Variants in C2CD2 observed in about 807,000 individuals in gnomAD.
The protein encoded by C2CD2 is C2 domain-containing protein 2.
C2CD2 carries 43 observed loss-of-function variants against 74.3 expected under a neutral mutation model. The observed-to-expected ratio is 0.58, with a 90% CI of 0.45 to 0.75. The LOEUF (loss-of-function observed/expected upper bound fraction) is 0.75, where lower values mean the gene tolerates loss of function less well. C2CD2 is among the 30% of genes least tolerant of loss of function. The pLI, the probability that C2CD2 is intolerant of heterozygous loss-of-function variation, is 0.00. For missense variants in C2CD2, 801 were observed against 916.3 expected (o/e 0.87, Z 1.63); for synonymous variants, 422 against 390.7 (o/e 1.08, Z -0.94).
intron 3 of C2CD2, 61 bp from the exon 4 acceptor site, chr21:41,919,021 C>CGT: frequency 8.3e-7 from 1 of 1,199,934 alleles, no homozygotes; most frequent in Non-Finnish European, 1.2e-6. Context: ...TGTGCACGTG[C>CGT]GTGTGCATGT....
intron 7 of C2CD2, among the ~76,000 whole-genome samples, chr21:41,909,846 A>T (rs541283): frequency 0.49 from 74,946 of 151,828 alleles, 18,714 homozygotes; most frequent in African/African-American, 0.53. Context: ...ACGTCATTTT[A>T]AAAAATTTCC....
At chr21:41,890,668 A>G (rs2064741303) in intron 13 of C2CD2, among the ~76,000 whole-genome samples, 1 of 152,248 alleles carries the variant, frequency 6.6e-6, no homozygotes, top group South Asian at 2.1e-4. Flanking sequence ...AGGCATATCC[A>G]ATAAACATTT....
In C2CD2 at chr21:41,919,944, G is replaced by C. The variant is rs558537883; in HGVS notation, c.493-984C>G. Among the ~76,000 whole-genome samples, 6 of 152,278 alleles carry C rather than the reference G, an allele frequency of 3.9e-5. No homozygotes were observed. The East Asian group carries it at 1.2e-3, about 29-fold the overall frequency. ...GAAACACCTGAGTCCTGAAGAGTGGGGGAGCACGGGAGAAGAGGGGCCAGG... is the reference window on the plus strand; with the variant it reads ...GAAACACCTGAGTCCTGAAGAGTGGCGGAGCACGGGAGAAGAGGGGCCAGG... On this transcript the variant is annotated intron_variant, in intron 3 of 13. Transcript: ENST00000380486.
chr21:41,919,053 T>A, intron 3 of C2CD2, 93 bp from the exon 4 acceptor site: 46 of 838,246 alleles, frequency 5.5e-5, no homozygotes, highest in Non-Finnish European at 8.9e-5. Context: ...CATGTGTGTG[T>A]GCATATATGC....
At chr21:41,900,904 C>T (rs2146149445) in intron 12 of C2CD2, 1 of 152,458 alleles carries the variant, frequency 6.6e-6, no homozygotes, top group South Asian at 2.1e-4. Flanking sequence ...CAAGACCAGC[C>T]TGAGCAATGT....
In C2CD2 at chr21:41,895,013, C is replaced by T. The variant is rs533131754; in HGVS notation, c.1870+4040G>A. 1.8e-5 allele frequency: 8 copies of T among 452,898 alleles called. No homozygotes were observed. The highest frequency in any genetic ancestry group is 1.4e-4 in the East Asian group (2 of 14,296). 28.1% of individuals were successfully genotyped at this position (452,898 alleles called of 1,614,324 possible). Reference sequence around the variant, plus strand: ...CAGCACCCGGAGATTCAACAGAACACGCACTGAGGTGCGGCTGGGAAGGCA... The same window carrying T: ...CAGCACCCGGAGATTCAACAGAACATGCACTGAGGTGCGGCTGGGAAGGCA... On this transcript the variant is annotated intron_variant, in intron 13 of 13. Transcript: ENST00000380486. The surrounding 1 kb of genome is among the most constrained non-coding windows in gnomAD (Gnocchi z 5.0).
At chr21:41,950,030 C>A (rs546602743) in intron 1 of C2CD2, among the ~76,000 whole-genome samples, 8 of 152,064 alleles carry the variant, frequency 5.3e-5, no homozygotes, top group Non-Finnish European at 1.2e-4. Flanking sequence ...GGACAAATAC[C>A]TAATGTAAAT....
Position 41,885,278 on chromosome 21 carries a change from C to G in C2CD2, c.*3846G>C, listed in dbSNP as rs2064670815. The stretch of plus-strand genomic sequence containing the variant: ...TCATTGTCACGTAAGTTCATCACCG[C>G]ACTCCAGCGTCAGGCCAAACCTTTC... On this transcript the variant is annotated 3_prime_UTR_variant, in exon 14 of 14. Coordinates refer to ENST00000380486, the MANE Select transcript of C2CD2 (RefSeq NM_015500.2). The G allele has an allele frequency of 6.6e-6, 1 of 152,260 alleles. No homozygotes were observed. Among genetic ancestry groups the G allele is most frequent in the Non-Finnish European group, 1.5e-5 (1 of 68,048 alleles). 9.4% of individuals were successfully genotyped at this position (152,260 alleles called of 1,614,324 possible).
intron 8 of C2CD2, 50 bp from the exon 9 acceptor site, chr21:41,907,834 T>C: frequency 6.2e-7 from 1 of 1,611,556 alleles, no homozygotes. Context: ...TTCCCGGGCT[T>C]CCGTGAGGAC....
At chr21:41,911,311 A>T (rs1974591583) in intron 7 of C2CD2, among the ~76,000 whole-genome samples, 1 of 150,430 alleles carries the variant, frequency 6.6e-6, no homozygotes, top group Non-Finnish European at 1.5e-5. Flanking sequence ...GTGCTGCTAG[A>T]TTCTGTTTGA....
rs2064707568 is a variant in C2CD2 at position 41,888,338 on chromosome 21, A to G, written c.*786T>C. On this transcript the variant is annotated 3_prime_UTR_variant, in exon 14 of 14. Coordinates refer to ENST00000380486, the MANE Select transcript of C2CD2 (RefSeq NM_015500.2). Reference sequence around the variant, plus strand: ...GCAAGTATGACAGGCAGGAAAAAAAACCCTGGATGTCAACTGCTCCACTAG... The same window carrying G: ...GCAAGTATGACAGGCAGGAAAAAAAGCCCTGGATGTCAACTGCTCCACTAG... The G allele has an allele frequency of 6.6e-6, 1 of 152,526 alleles. No individual in the cohort carries two copies. Among genetic ancestry groups the G allele is most frequent in the African/African-American group, 2.4e-5 (1 of 41,432 alleles). The allele number at this position is 152,526 out of a possible 1,614,324, so 9.4% of individuals were successfully genotyped here.
rs554544991 is a variant in C2CD2, at chr21:41,914,717, A to G, written c.725T>C (p.Leu242Ser). The G allele has an allele frequency of 1.9e-6, 3 of 1,611,370 alleles. No individual in the cohort carries two copies. The highest frequency in any genetic ancestry group is 3.4e-5 in the Admixed American group (2 of 59,604). The change falls in exon 6 of 14, where the codon TTA becomes TCA. Residue 242 changes from leucine to serine, a missense_variant. By Grantham distance (145) the Leu-to-Ser change is moderately radical. Coordinates refer to ENST00000380486, the MANE Select transcript of C2CD2 (RefSeq NM_015500.2). The stretch of plus-strand genomic sequence containing the variant: ...CTGAGCAGTAGATGCAGCACACTGT[A>G]AGTTCTGAAAAAATAAAGAGCACTT... ...KPTTVKEAQN[L>S]QCAASTAQES...
At position 41,924,278 on chromosome 21, in the gene C2CD2, C is replaced by T. The variant is rs149269041; in HGVS notation, c.379-2193G>A. ...AGCTCTTCCCACCAGTGGCCCATCC[C>T]ACTCTGGAACAAAAACGGAACCTGG... On this transcript the variant is annotated intron_variant, in intron 2 of 13. Transcript: ENST00000380486. This position sits in a 1 kb window ranked among gnomAD's most constrained non-coding sequence, Gnocchi z 4.4. Among the ~76,000 whole-genome samples, 64 of 152,336 alleles carry T rather than the reference C, an allele frequency of 4.2e-4. No homozygotes were observed. Among genetic ancestry groups the T allele is most frequent in the African/African-American group, 1.4e-3 (59 of 41,576 alleles).
intron 1 of C2CD2, among the ~76,000 whole-genome samples, chr21:41,948,824 A>G (rs563039897): frequency 7.4e-6 from 1 of 135,134 alleles, no homozygotes; most frequent in African/African-American, 2.7e-5. Flanking sequence ...AGAAACTCCT[A>G]TTCAAGTCAG....
In C2CD2 at chr21:41,903,611, T is replaced by C. The variant is rs976868314; in HGVS notation, c.1433-1862A>G. On this transcript the variant is annotated intron_variant, in intron 11 of 13. Transcript: ENST00000380486. This position sits in a 1 kb window ranked among gnomAD's most constrained non-coding sequence, Gnocchi z 4.5. Reference sequence around the variant, plus strand: ...AAGAGAGAAGTGCTGGAGAAAGGAGTTGGGGAGGACTCCTTAGGAGAAAGC... The same window carrying C: ...AAGAGAGAAGTGCTGGAGAAAGGAGCTGGGGAGGACTCCTTAGGAGAAAGC... Among the ~76,000 whole-genome samples the C allele has an allele frequency of 6.6e-6, 1 of 150,822 alleles. No individual in the cohort carries two copies. The highest frequency in any genetic ancestry group is 1.5e-5 in the Non-Finnish European group (1 of 67,616).
At chr21:41,953,268 A>T (rs1018326017) in intron 1 of C2CD2, 102 bp downstream of exon 1, 2 of 729,570 alleles carry the variant, frequency 2.7e-6, no homozygotes, top group South Asian at 5.7e-5. Context: ...GGACTCCCTT[A>T]GCCTGGGTCA....
Position 41,886,993 on chromosome 21 carries a change from A to T in C2CD2, c.*2131T>A, listed in dbSNP as rs1373219542. The T allele has an allele frequency of 6.6e-6, 1 of 152,218 alleles. No individual in the cohort carries two copies. Among genetic ancestry groups the T allele is most frequent in the Non-Finnish European group, 1.5e-5 (1 of 68,048 alleles). 9.4% of individuals were successfully genotyped at this position (152,218 alleles called of 1,614,324 possible). On this transcript the variant is annotated 3_prime_UTR_variant, in exon 14 of 14. Transcript: ENST00000380486. ...CTCGAAAAAAAAATTTTTTAAATAA[A>T]AAAAAACTTCTGATATCCTTGCACT...
chr21:41,935,997 GAA>G (rs71332346), intron 2 of C2CD2, among the ~76,000 whole-genome samples: 1 of 150,032 alleles, frequency 6.7e-6, no homozygotes. Context: ...AAAACTACTA[GAA>G]AAAAAAACAT....
intron 7 of C2CD2, 51 bp from the exon 8 acceptor site, chr21:41,909,574 T>C: frequency 8.3e-7 from 1 of 1,201,500 alleles, no homozygotes; most frequent in Non-Finnish European, 1.2e-6. Flanking sequence ...TGCTTGATTC[T>C]TTTTATGAAA....
Sources: gnomAD v4.1 joint callset for allele counts (sites outside exome capture counted in the v4.1 genomes callset) on GRCh38, gnomAD v4.1.1 for gene constraint, Gnocchi (gnomAD v3.1) non-coding constraint, MANE v1.5 for transcripts, NCBI Gene and HGNC (gene_info 2026-07-23, HGNC 2026-07-21) for gene names.